Variants in ZNF132 observed in about 807,000 individuals in gnomAD.
ZNF132 encodes the protein zinc finger protein 132 (clone pHZ-12).
In ZNF132, 6 loss-of-function variants were observed where a neutral mutation model predicts 9.3. The ratio of observed to expected loss-of-function variants is 0.65; its 90% CI spans 0.35 to 1.28. The LOEUF (loss-of-function observed/expected upper bound fraction) is 1.28. ZNF132 is among the 50% of genes most tolerant of loss of function. The pLI, the probability that ZNF132 is intolerant of heterozygous loss-of-function variation, is 0.03. For missense variants in ZNF132, 877 were observed against 843.2 expected (o/e 1.04, Z -0.50); for synonymous variants, 296 against 292.0 (o/e 1.01, Z -0.14).
At position 58,434,913 on chromosome 19, in the gene ZNF132, G is replaced by T. The variant is rs150467107; in HGVS notation, c.531C>A (p.Asp177Glu). Residue 177 changes from aspartate to glutamate, a missense_variant, in exon 3 of 3, where the codon GAC becomes GAA. Physicochemically the swap from Asp to Glu is conservative, Grantham distance 45. Transcript: ENST00000254166. Reference protein sequence around the residue: ...GKPFRWYKDRDALMKSSKVHL... With the variant: ...GKPFRWYKDREALMKSSKVHL... The stretch of plus-strand genomic sequence containing the variant: ...GGACTTTAGAGCTCTTCATAAGTGC[G>T]TCCCTGTCCTTGTACCATCTAAAGG... 285 of 1,613,978 alleles carry T rather than the reference G, an allele frequency of 1.8e-4. No individual in the cohort carries two copies. Among genetic ancestry groups the T allele is most frequent in the Non-Finnish European group, 2.3e-4 (277 of 1,180,024 alleles).
In ZNF132 at chr19:58,436,622, C is replaced by A. The variant is rs536579221; in HGVS notation, c.232+425G>T. Among the ~76,000 whole-genome samples, 449 of 138,036 alleles carry A rather than the reference C, an allele frequency of 3.3e-3. 1 individual carries two copies. Among genetic ancestry groups the A allele is most frequent in the African/African-American group, 0.012 (428 of 36,708 alleles). The allele number at this position is 138,036 out of a possible 152,430, so 90.6% of individuals were successfully genotyped here. A position where few individuals can be genotyped will look rare whatever the true frequency, so the allele number is the denominator to read the frequency against. ...GGCAGAGCTTGCAGTAAGCTGAGAT[C>A]ACGCCACTGCACTCCAGCCTGGGGG... On this transcript the variant is annotated intron_variant, in intron 2 of 2. Coordinates refer to ENST00000254166, the MANE Select transcript of ZNF132 (RefSeq NM_003433.4).
In ZNF132 at chr19:58,439,986, T is replaced by G. The variant is rs2052793978; in HGVS notation, c.-165A>C. On this transcript the variant is annotated 5_prime_UTR_variant, in exon 1 of 3. Transcript: ENST00000254166. ...TGGAGACCCTGGAGACGCGTGGCGC[T>G]GGCTCCACTTTCGGGAACACCTTGG... is the stretch of plus-strand genomic sequence containing the variant. 4.2e-5 allele frequency: 28 copies of G among 668,670 alleles called. No homozygotes were observed. The South Asian group carries it at 5.1e-4, about 12-fold the overall frequency. The allele number at this position is 668,670 out of a possible 1,614,324, so 41.4% of individuals were successfully genotyped here.
In ZNF132 at chr19:58,434,872, G is replaced by A. The variant is rs781345333; in HGVS notation, c.572C>T (p.Pro191Leu). 1 of 1,614,152 alleles carries A rather than the reference G, an allele frequency of 6.2e-7. No homozygotes were observed. The highest frequency in any genetic ancestry group is 8.5e-7 in the Non-Finnish European group (1 of 1,180,024). The change falls in exon 3 of 3, where the codon CCC (proline) becomes CTC (leucine). Residue 191 changes from proline (P) to leucine (L), a missense_variant. Transcript: ENST00000254166. ...KSSKVHLSEN[P>L]FTCREGGKVI... The stretch of plus-strand genomic sequence containing the variant: ...CTTCCCACCTTCCCTGCAAGTGAAG[G>A]GGTTCTCTGACAGGTGGACTTTAGA...
At chr19:58,437,878 C>G in intron 1 of ZNF132, 1 of 753,354 alleles carries the variant, frequency 1.3e-6, no homozygotes, top group Non-Finnish European at 1.6e-6. Context: ...ATAAGCAGAT[C>G]TCAAATATCT....
chr19:58,439,730 G>A, intron 1 of ZNF132, 29 bp downstream of exon 1: 1 of 1,498,760 alleles, frequency 6.7e-7, no homozygotes, highest in Non-Finnish European at 8.9e-7. Flanking sequence ...AATCCCAGCG[G>A]GTGAGGGCCT....
At position 58,434,894 on chromosome 19, in the gene ZNF132, T is replaced by A; in HGVS notation, c.550A>T (p.Lys184Ter). ...AAGGGGTTCTCTGACAGGTGGACTT[T>A]AGAGCTCTTCATAAGTGCGTCCCTG... ...KDRDALMKSS[K>*]VHLSENPFTC... The change falls in exon 3 of 3, where the codon AAA becomes TAA. Residue 184 changes from lysine to a stop codon, truncating the protein, a stop_gained. Coordinates refer to ENST00000254166, the MANE Select transcript of ZNF132 (RefSeq NM_003433.4). LOFTEE classifies it low-confidence loss of function (END_TRUNC). The A allele has an allele frequency of 6.2e-7, 1 of 1,614,222 alleles. No homozygotes were observed. The highest frequency in any genetic ancestry group is 8.5e-7 in the Non-Finnish European group (1 of 1,180,046).
intron 1 of ZNF132, among the ~76,000 whole-genome samples, chr19:58,438,388 C>A (rs1303712365): frequency 6.6e-6 from 1 of 151,996 alleles, no homozygotes; most frequent in African/African-American, 2.4e-5. Context: ...ATCTCAAATA[C>A]AACATGGCCA....
chr19:58,434,650 G>A lies in ZNF132; in HGVS notation c.794C>T (p.Thr265Ile). 5 of 1,614,220 alleles carry A rather than the reference G, an allele frequency of 3.1e-6. No homozygotes were observed. Among genetic ancestry groups the A allele is most frequent in the Non-Finnish European group, 4.2e-6 (5 of 1,180,040 alleles). Residue 265 changes from threonine (T) to isoleucine (I), a missense_variant, in exon 3 of 3, where the codon ACA becomes ATA. Thr to Ile is a moderately conservative substitution (Grantham distance 89). Coordinates refer to ENST00000254166, the MANE Select transcript of ZNF132 (RefSeq NM_003433.4). ...TAAGAAATTTCCACCTGTTGGGCAT[G>A]TAAATGGTATCTCTTCAGAGTGAGT... ...LRTHSEEIPFTCPTGGNFLEE... is the reference protein window; with the variant it reads ...LRTHSEEIPFICPTGGNFLEE...
At chr19:58,437,613 A>G (rs998713211) in intron 1 of ZNF132, 1 of 821,008 alleles carries the variant, frequency 1.2e-6, no homozygotes, top group Admixed American at 6.2e-5. Context: ...AATGGTTCAC[A>G]TTCTCTCACC....
intron 1 of ZNF132, chr19:58,437,607 G>A (rs1484882651): frequency 2.5e-6 from 2 of 806,624 alleles, no homozygotes; most frequent in Non-Finnish European, 3.0e-6. Context: ...GGGCCCAATG[G>A]TTCACATTCT....
intron 1 of ZNF132, among the ~76,000 whole-genome samples, chr19:58,438,548 A>G (rs571840403): frequency 6.9e-6 from 1 of 144,682 alleles, no homozygotes; most frequent in African/African-American, 2.6e-5. Context: ...ATCTTGGCTC[A>G]CTGCAAGCTC....
intron 2 of ZNF132, 66 bp from the exon 3 acceptor site, chr19:58,435,277 A>T (rs2052767233): frequency 2.6e-6 from 4 of 1,534,066 alleles, no homozygotes; most frequent in Non-Finnish European, 3.5e-6. Context: ...CTTCATTAGA[A>T]ATGTTACCCA....
chr19:58,433,782 G>C lies in ZNF132; in HGVS notation c.1662C>G (p.His554Gln). The C allele has an allele frequency of 6.2e-7, 1 of 1,614,002 alleles. No homozygotes were observed. The change falls in exon 3 of 3, where the codon CAC (histidine) becomes CAG (glutamine). Residue 554 changes from histidine to glutamine, a missense_variant. By Grantham distance (24) the His-to-Gln change is conservative. Transcript: ENST00000254166. ...ECSECGKAFA[H>Q]SSTLIEHWRV... ...TCCAGTGTTCAATGAGAGTGGAGCT[G>C]TGAGCAAAGGCTTTCCCACACTCAC...
In ZNF132 at chr19:58,434,083, G is replaced by T. The variant is rs768420065; in HGVS notation, c.1361C>A (p.Thr454Asn). The change falls in exon 3 of 3, where the codon ACC becomes AAC. Residue 454 changes from threonine to asparagine, a missense_variant. Physicochemically the swap from Thr to Asn is moderately conservative, Grantham distance 65. Coordinates refer to ENST00000254166, the MANE Select transcript of ZNF132 (RefSeq NM_003433.4). Reference protein sequence around the residue: ...SNLAQHQKVHTGERPFECSEC... With the variant: ...SNLAQHQKVHNGERPFECSEC... ...ACTGCACTCAAAAGGCCGTTCTCCG[G>T]TGTGAACTTTCTGGTGCTGAGCAAG... The T allele has an allele frequency of 1.2e-6, 2 of 1,614,112 alleles. No individual in the cohort carries two copies. Among genetic ancestry groups the T allele is most frequent in the Non-Finnish European group, 1.7e-6 (2 of 1,180,018 alleles).
chr19:58,433,194 G>T lies in ZNF132; in HGVS notation c.*129C>A. 1.0e-6 allele frequency: 1 copy of T among 981,634 alleles called. No individual in the cohort carries two copies. Among genetic ancestry groups the T allele is most frequent in the Non-Finnish European group, 1.5e-6 (1 of 670,770 alleles). 60.8% of individuals were successfully genotyped at this position (981,634 alleles called of 1,614,324 possible). A position where few individuals can be genotyped will look rare whatever the true frequency, so the allele number is the denominator to read the frequency against. On this transcript the variant is annotated 3_prime_UTR_variant, in exon 3 of 3. Transcript: ENST00000254166. ...AAGGTTCCTGGGCTGGTCAGAAACA[G>T]AGTAGCTTCTGAAGGCTTTTCCACA...
At chr19:58,438,741 G>A (rs1395022683) in intron 1 of ZNF132, among the ~76,000 whole-genome samples, 1 of 150,116 alleles carries the variant, frequency 6.7e-6, no homozygotes, top group Non-Finnish European at 1.5e-5. Flanking sequence ...CCAAAGTGCT[G>A]GGATTACAGG....
intron 1 of ZNF132, chr19:58,437,666 AC>A: frequency 6.2e-6 from 6 of 970,002 alleles, no homozygotes; most frequent in Non-Finnish European, 7.4e-6. Context: ...TATATTTCCA[AC>A]CCCTCCCTGT....
In ZNF132 at chr19:58,433,694, A is replaced by G. The variant is rs772522046; in HGVS notation, c.1750T>C (p.Ser584Pro). The G allele has an allele frequency of 1.2e-6, 2 of 1,610,172 alleles. No individual in the cohort carries two copies. The highest frequency in any genetic ancestry group is 1.7e-6 in the Non-Finnish European group (2 of 1,176,472). Reference protein sequence around the residue: ...NECGKFFSQNSILIKHQKVHT... With the variant: ...NECGKFFSQNPILIKHQKVHT... The stretch of plus-strand genomic sequence containing the variant: ...ACTTTCTGATGCTTAATGAGAATGG[A>G]GTTTTGGCTAAAGAATTTCCCACAT... The change falls in exon 3 of 3, where the codon TCC becomes CCC. Residue 584 changes from serine to proline, a missense_variant. Physicochemically the swap from Ser to Pro is moderately conservative, Grantham distance 74. Coordinates refer to ENST00000254166, the MANE Select transcript of ZNF132 (RefSeq NM_003433.4).
rs530739078 is a variant in ZNF132, at chr19:58,434,777, G to T, written c.667C>A (p.Leu223Ile). 6.2e-7 allele frequency: 1 copy of T among 1,614,250 alleles called. No homozygotes were observed. Among genetic ancestry groups the T allele is most frequent in the African/African-American group, 1.3e-5 (1 of 75,066 alleles). ...GTACAGACTTCTGGAAGCTGCCCAA[G>T]ATTGGAATATGGCTTCTGCCCACTG... ...VDSGQKPYSN[L>I]GQLPEVCTTQ... is the part of the protein sequence containing the mutation. The change falls in exon 3 of 3, where the codon CTT becomes ATT. Residue 223 changes from leucine to isoleucine, a missense_variant. By Grantham distance (5) the Leu-to-Ile change is conservative. Transcript: ENST00000254166.
Sources: allele counts gnomAD v4.1 joint callset (sites outside exome capture counted in the v4.1 genomes callset), GRCh38; gene constraint gnomAD v4.1.1; transcripts MANE v1.5; gene names NCBI Gene and HGNC (gene_info 2026-07-23, HGNC 2026-07-21).